Variants in MYO1E observed in about 807,000 individuals in gnomAD.
The protein encoded by MYO1E is unconventional myosin-Ie.
A neutral mutation model predicts 151.1 loss-of-function variants in MYO1E; 68 were observed. That is an observed-to-expected ratio of 0.45 (90% CI 0.37 to 0.55). The LOEUF (loss-of-function observed/expected upper bound fraction) is 0.55, where lower values mean the gene tolerates loss of function less well. MYO1E is among the 20% of genes least tolerant of loss of function. The pLI is 0.00. For missense variants in MYO1E, 1,363 were observed against 1,389.3 expected (o/e 0.98, Z 0.30); for synonymous variants, 601 against 501.7 (o/e 1.20, Z -2.64).
At chr15:59,369,850 G>C (rs977754091) in intron 1 of MYO1E, among the ~76,000 whole-genome samples, 1 of 152,078 alleles carries the variant, frequency 6.6e-6, no homozygotes, top group African/African-American at 2.4e-5. Flanking sequence ...CAGATGGAGA[G>C]CCCTCCTACT....
chr15:59,149,591 T>A (rs1327120729), intron 26 of MYO1E, among the ~76,000 whole-genome samples: 1 of 152,196 alleles, frequency 6.6e-6, no homozygotes, highest in Non-Finnish European at 1.5e-5. Context: ...TTTAGTGAAA[T>A]CTTCATGCTC....
rs537540490 is a variant in MYO1E at position 59,153,481 on chromosome 15, T to G, written c.3080+109A>C. 13 of 1,280,310 alleles carry G rather than the reference T, an allele frequency of 1.0e-5. 1 individual carries two copies. The South Asian group carries it at 1.6e-4, about 16-fold the overall frequency. 79.3% of individuals were successfully genotyped at this position (1,280,310 alleles called of 1,614,324 possible). A position where few individuals can be genotyped will look rare whatever the true frequency, so the allele number is the denominator to read the frequency against. On this transcript the variant is annotated intron_variant, in intron 26 of 27. Coordinates refer to ENST00000288235, the MANE Select transcript of MYO1E (RefSeq NM_004998.4). ...GGCATATAGCACTGAGGTGGAAAACTAAACCTTAGAATCCTGTGTATTGAC... is the reference window on the plus strand; with the variant it reads ...GGCATATAGCACTGAGGTGGAAAACGAAACCTTAGAATCCTGTGTATTGAC...
intron 1 of MYO1E, among the ~76,000 whole-genome samples, chr15:59,363,375 A>G (rs1454695697): frequency 6.6e-6 from 1 of 152,186 alleles, no homozygotes; most frequent in African/African-American, 2.4e-5. Context: ...TCAGAACACT[A>G]CTACTCATAA....
Position 59,136,821 on chromosome 15 carries a change from C to T in MYO1E, c.*559G>A, listed in dbSNP as rs1002064642. The T allele has an allele frequency of 8.8e-6, 4 of 454,434 alleles. No homozygotes were observed. The highest frequency in any genetic ancestry group is 1.8e-5 in the Non-Finnish European group (4 of 225,918). The allele number at this position is 454,434 out of a possible 1,614,324, so 28.2% of individuals were successfully genotyped here. ...GGTCCCGGCAAAGTGTAAACCAGTG[C>T]CCCTCTGTCGCCCTGGGCTCAGCAG... On this transcript the variant is annotated 3_prime_UTR_variant, in exon 28 of 28. Transcript: ENST00000288235.
At chr15:59,226,535 A>G (rs1470299930) in intron 7 of MYO1E, among the ~76,000 whole-genome samples, 1 of 152,214 alleles carries the variant, frequency 6.6e-6, no homozygotes, top group African/African-American at 2.4e-5. Context: ...GGCCAGGTGC[A>G]ATGGCTCACG....
At chr15:59,176,655 TCTAA>T (rs745385144) in intron 19 of MYO1E, among the ~76,000 whole-genome samples, 7 of 152,102 alleles carry the variant, frequency 4.6e-5, no homozygotes, top group South Asian at 2.1e-4. Context: ...AGAGAAGAGG[TCTAA>T]CTGACTTGCC....
chr15:59,326,116 G>A (rs1190555643), intron 1 of MYO1E, among the ~76,000 whole-genome samples: 1 of 150,814 alleles, frequency 6.6e-6, no homozygotes, highest in Non-Finnish European at 1.5e-5. Flanking sequence ...GAGTACATTT[G>A]TATTATCAGA....
intron 1 of MYO1E, among the ~76,000 whole-genome samples, chr15:59,341,162 G>A (rs1215332697): frequency 6.6e-6 from 1 of 151,960 alleles, no homozygotes; most frequent in Non-Finnish European, 1.5e-5. Context: ...ATAATCACAT[G>A]ATCGAAAATG....
intron 26 of MYO1E, among the ~76,000 whole-genome samples, chr15:59,141,099 C>T (rs1276746715): frequency 1.3e-5 from 2 of 152,140 alleles, no homozygotes; most frequent in Admixed American, 6.5e-5. Flanking sequence ...AGCCATTAGC[C>T]TGGATACCAG....
intron 22 of MYO1E, among the ~76,000 whole-genome samples, chr15:59,167,016 AGG>A (rs1205230029): frequency 4.6e-5 from 7 of 152,238 alleles, no homozygotes. Context: ...AGCACCAGGT[AGG>A]TGCTCAATCC....
At chr15:59,330,501 C>T (rs2080691681) in intron 1 of MYO1E, among the ~76,000 whole-genome samples, 1 of 152,194 alleles carries the variant, frequency 6.6e-6, no homozygotes, top group African/African-American at 2.4e-5. Context: ...TTCCCAAGGT[C>T]TGTTGTCAGG....
chr15:59,186,886 G>A (rs1268997684), intron 18 of MYO1E, among the ~76,000 whole-genome samples: 8 of 152,060 alleles, frequency 5.3e-5, no homozygotes, highest in Non-Finnish European at 1.2e-4. Flanking sequence ...ACATTTTAAG[G>A]GTACCACATT....
At chr15:59,139,718 CCCT>C (rs1394461802) in intron 26 of MYO1E, among the ~76,000 whole-genome samples, 1 of 151,026 alleles carries the variant, frequency 6.6e-6, no homozygotes, top group African/African-American at 2.4e-5. Flanking sequence ...CTGCAGACTT[CCCT>C]CCTACCTCCT....
intron 14 of MYO1E, chr15:59,208,011 G>T (rs748539030): frequency 1.2e-6 from 2 of 1,607,268 alleles, no homozygotes; most frequent in Non-Finnish European, 1.7e-6. Flanking sequence ...AGATAAAGCT[G>T]ACCCCTGAAG....
rs2079536733 is a variant in MYO1E at position 59,161,248 on chromosome 15, GGGT to G, written c.2628-21_2628-19del. ...GTTCAAGCCTGCAAAAAGCACAGTG[GGGT>G]TAACAGGTCGAAGGACGCAGTGAGA... On this transcript the variant is annotated intron_variant, in intron 23 of 27. Transcript: ENST00000288235. The G allele has an allele frequency of 6.2e-7, 1 of 1,612,692 alleles. No individual in the cohort carries two copies. Among genetic ancestry groups the G allele is most frequent in the African/African-American group, 1.3e-5 (1 of 74,858 alleles).
At chr15:59,241,498 C>T (rs1446150988) in intron 4 of MYO1E, among the ~76,000 whole-genome samples, 1 of 152,126 alleles carries the variant, frequency 6.6e-6, no homozygotes, top group African/African-American at 2.4e-5. Context: ...TCAAGAGCAG[C>T]AAGAGCAGCC....
intron 1 of MYO1E, among the ~76,000 whole-genome samples, chr15:59,356,247 T>A (rs2080851982): frequency 6.6e-6 from 1 of 152,214 alleles, no homozygotes; most frequent in South Asian, 2.1e-4. Context: ...CCCTTTTAAG[T>A]GTCTTTTTAT....
At chr15:59,245,554 T>C (rs192739374) in intron 4 of MYO1E, among the ~76,000 whole-genome samples, 2 of 152,302 alleles carry the variant, frequency 1.3e-5, no homozygotes, top group African/African-American at 4.8e-5. Flanking sequence ...CTTTGCAAAC[T>C]GGTATTGGAT....
intron 1 of MYO1E, among the ~76,000 whole-genome samples, chr15:59,326,299 G>A (rs2080663776): frequency 1.3e-5 from 2 of 152,012 alleles, no homozygotes; most frequent in South Asian, 4.1e-4. Flanking sequence ...GCAGGCAGAA[G>A]ACGAGGTCAG....
Sources: allele counts gnomAD v4.1 joint callset (sites outside exome capture counted in the v4.1 genomes callset), GRCh38; gene constraint gnomAD v4.1.1; transcripts MANE v1.5; gene names NCBI Gene and HGNC (gene_info 2026-07-23, HGNC 2026-07-21).